The following CEP170 variants were observed in gnomAD, a reference collection of about 807,000 sequenced individuals.
CEP170 encodes centrosomal protein of 170 kDa.
CEP170 carries 21 observed loss-of-function variants against 151.9 expected under a neutral mutation model. That is an observed-to-expected ratio of 0.14 (90% CI 0.10 to 0.20). The LOEUF is 0.20. Among genes scored for constraint, CEP170 ranks in the 10% least tolerant of loss-of-function variants. CEP170 has a pLI of 1.00. For missense variants in CEP170, 964 were observed against 1,892.9 expected, an observed-to-expected ratio of 0.51 and a Z score of 9.11; for synonymous variants, 356 against 648.8, an observed-to-expected ratio of 0.55 and a Z score of 6.86.
chr1:243,160,122 T>A (rs1572346479), intron 13 of CEP170, among the ~76,000 whole-genome samples: 1 of 152,196 alleles, frequency 6.6e-6, no homozygotes, highest in Non-Finnish European at 1.5e-5. Flanking sequence ...AAATTTCTCA[T>A]GTAATGATAG....
intron 11 of CEP170, 116 bp downstream of exon 11, chr1:243,172,581 G>A (rs1235276362): frequency 1.0e-5 from 8 of 788,522 alleles, no homozygotes; most frequent in Non-Finnish European, 1.5e-5. Context: ...GCAGTGAGCC[G>A]AGATCCTGCC....
At chr1:243,234,028 C>G (rs2064029938) in intron 1 of CEP170, among the ~76,000 whole-genome samples, 2 of 152,048 alleles carry the variant, frequency 1.3e-5, no homozygotes, top group Admixed American at 1.3e-4. Context: ...ATTACTTGAG[C>G]TAAAACACAT....
intron 16 of CEP170, among the ~76,000 whole-genome samples, chr1:243,137,561 G>C (rs2055247206): frequency 6.6e-6 from 1 of 152,058 alleles, no homozygotes; most frequent in Non-Finnish European, 1.5e-5. Context: ...TGGATCACGA[G>C]GTCAGGAGAT....
At chr1:243,147,326 A>G (rs1468751578) in intron 14 of CEP170, among the ~76,000 whole-genome samples, 1 of 152,232 alleles carries the variant, frequency 6.6e-6, no homozygotes, top group African/African-American at 2.4e-5. Context: ...CATTTATGCT[A>G]TTCTGCCACT....
intron 3 of CEP170, among the ~76,000 whole-genome samples, chr1:243,216,136 A>G (rs1447006929): frequency 6.6e-6 from 1 of 152,194 alleles, no homozygotes; most frequent in Non-Finnish European, 1.5e-5. Flanking sequence ...GACATCAAAT[A>G]AACACCCAAC....
At chr1:243,219,035 G>A (rs1256915713) in intron 3 of CEP170, among the ~76,000 whole-genome samples, 1 of 152,162 alleles carries the variant, frequency 6.6e-6, no homozygotes, top group Non-Finnish European at 1.5e-5. Flanking sequence ...GTTCTCTTAT[G>A]ACTAAAATGC....
At chr1:243,245,010 T>C (rs1042983844) in intron 1 of CEP170, among the ~76,000 whole-genome samples, 1 of 152,096 alleles carries the variant, frequency 6.6e-6, no homozygotes, top group Admixed American at 6.6e-5. Flanking sequence ...TAAAAGGCAA[T>C]GACAATCTGG....
At chr1:243,241,013 C>A (rs1335727033) in intron 1 of CEP170, among the ~76,000 whole-genome samples, 1 of 152,144 alleles carries the variant, frequency 6.6e-6, no homozygotes, top group Non-Finnish European at 1.5e-5. Flanking sequence ...ATTCAAACAA[C>A]AAAGTGCTTA....
chr1:243,156,622 T>C (rs890134676), intron 13 of CEP170, 167 bp from the exon 14 acceptor site: 81 of 537,030 alleles, frequency 1.5e-4, no homozygotes, highest in Non-Finnish European at 1.6e-4. Context: ...TCCTTAGAGA[T>C]AGAAACATTA....
At chr1:243,215,988 C>T (rs929308005) in intron 3 of CEP170, among the ~76,000 whole-genome samples, 35 of 151,494 alleles carry the variant, frequency 2.3e-4, no homozygotes, top group African/African-American at 7.3e-4. Flanking sequence ...GTTGAATTAT[C>T]GGGGGTAGGT....
At chr1:243,140,997 T>C (rs927345304) in intron 15 of CEP170, among the ~76,000 whole-genome samples, 1 of 152,202 alleles carries the variant, frequency 6.6e-6, no homozygotes, top group Admixed American at 6.5e-5. Flanking sequence ...TTGATCAATG[T>C]GGTAACAAAA....
intron 10 of CEP170, among the ~76,000 whole-genome samples, chr1:243,183,617 G>C (rs1334222801): frequency 6.6e-6 from 1 of 152,138 alleles, no homozygotes. Context: ...GTGGATTCAA[G>C]CTAATGGAAT....
chr1:243,171,653 T>G (rs1349268476), intron 11 of CEP170, among the ~76,000 whole-genome samples: 2 of 152,180 alleles, frequency 1.3e-5, no homozygotes, highest in East Asian at 3.8e-4. Context: ...TTACATTTCT[T>G]TTTGACACAT....
chr1:243,175,940 G>A (rs2059215821), intron 10 of CEP170, among the ~76,000 whole-genome samples: 1 of 151,974 alleles, frequency 6.6e-6, no homozygotes, highest in African/African-American at 2.4e-5. Flanking sequence ...GGGACTACAG[G>A]CGCCCGCCAC....
chr1:243,238,568 G>A (rs771315523), intron 1 of CEP170, among the ~76,000 whole-genome samples: 10 of 152,190 alleles, frequency 6.6e-5, no homozygotes, highest in Non-Finnish European at 1.5e-4. Context: ...TAGCCAACAA[G>A]TGGAAGTAAC....
At chr1:243,222,842 C>T (rs1440398799) in intron 2 of CEP170, among the ~76,000 whole-genome samples, 2 of 152,166 alleles carry the variant, frequency 1.3e-5, no homozygotes, top group African/African-American at 4.8e-5. Context: ...GAGAGAATCA[C>T]AGCTTGCCAG....
intron 19 of CEP170, 26 bp downstream of exon 19, chr1:243,128,223 T>A (rs372974482): frequency 6.4e-7 from 1 of 1,558,516 alleles, no homozygotes; most frequent in East Asian, 2.4e-5. Flanking sequence ...ATTAGCTCTT[T>A]ATACTTAATT....
chr1:243,175,452 T>A (rs1460996132), intron 10 of CEP170, among the ~76,000 whole-genome samples: 1 of 152,224 alleles, frequency 6.6e-6, no homozygotes, highest in Non-Finnish European at 1.5e-5. Context: ...CAGCCCAGAT[T>A]GAAATCCATA....
rs1394251891 is a variant in CEP170, at chr1:243,165,205, C to T, written c.2755G>A (p.Asp919Asn). The T allele has an allele frequency of 1.2e-6, 2 of 1,613,458 alleles. No individual in the cohort carries two copies. The highest frequency in any genetic ancestry group is 2.2e-5 in the East Asian group (1 of 44,878). The change falls in exon 13 of 20, where the codon GAT becomes AAT. Residue 919 changes from aspartate to asparagine, a missense_variant. By Grantham distance (23) the Asp-to-Asn change is conservative. Coordinates refer to ENST00000366542, the MANE Select transcript of CEP170 (RefSeq NM_014812.3). ...REDNKTDEGP[D>N]TPSYNRDNSI... ...TTGTCTCTATTATAACTGGGAGTAT[C>T]TGGTCCTTCATCAGTTTTATTATCT...
Sources: gnomAD v4.1 joint callset for allele counts (sites outside exome capture counted in the v4.1 genomes callset) on GRCh38, gnomAD v4.1.1 for gene constraint, MANE v1.5 for transcripts, NCBI Gene and HGNC (gene_info 2026-07-23, HGNC 2026-07-21) for gene names.